Variants in RAPGEF2 observed in about 807,000 individuals in gnomAD.
The protein encoded by RAPGEF2 is PDZ domain containing guanine nucleotide exchange factor (GEF) 1.
RAPGEF2 carries 54 observed loss-of-function variants against 186.7 expected under a neutral mutation model. That is an observed-to-expected ratio of 0.29 (90% CI 0.23 to 0.36). The LOEUF (loss-of-function observed/expected upper bound fraction) is 0.36, where lower values mean the gene tolerates loss of function less well. RAPGEF2 is among the 10% of genes least tolerant of loss of function. The pLI is 1.00. For missense variants in RAPGEF2, 1,532 were observed against 2,045.0 expected (o/e 0.75, Z 4.84); for synonymous variants, 712 against 705.9 (o/e 1.01, Z -0.14).
chr4:159,340,779 CCACACACACACACACACACA>C (rs10562531), intron 19 of RAPGEF2, among the ~76,000 whole-genome samples: 2 of 106,098 alleles, frequency 1.9e-5, no homozygotes, highest in African/African-American at 7.9e-5. Context: ...ACCACCATCA[CCACACACACACACACACACA>C]CACACACACA....
intron 1 of RAPGEF2, among the ~76,000 whole-genome samples, chr4:159,161,332 T>C (rs539539904): frequency 3.6e-4 from 55 of 152,350 alleles, no homozygotes; most frequent in Non-Finnish European, 6.9e-4. Flanking sequence ...TAGTTAAAAT[T>C]GTATTTTCAA....
chr4:159,125,345 C>G (rs1377003160), intron 1 of RAPGEF2, among the ~76,000 whole-genome samples: 1 of 152,184 alleles, frequency 6.6e-6, no homozygotes, highest in Non-Finnish European at 1.5e-5. Context: ...TTATTGTTTA[C>G]ATTTCCTTAT....
At chr4:159,357,222 G>A (rs75448740) in intron 29 of RAPGEF2, among the ~76,000 whole-genome samples, 2,284 of 152,272 alleles carry the variant, frequency 0.015, 29 homozygotes, top group Non-Finnish European at 0.024. Flanking sequence ...TGACCCAGGC[G>A]TGGTGGCGTG....
Position 159,353,856 on chromosome 4 carries a change from G to C in RAPGEF2, c.4461G>C (p.Trp1487Cys), listed in dbSNP as rs1355098711. ...SLEQAQSRAS[W>C]ASSTGYWGED... The stretch of plus-strand genomic sequence containing the variant: ...AACAAGCCCAGTCCCGAGCAAGCTG[G>C]GCGTCTTCCACAGGTTACTGGGGAG... Residue 1487 changes from tryptophan (W) to cysteine (C), a missense_variant, in exon 28 of 30, where the codon TGG (tryptophan) becomes TGC (cysteine). Physicochemically the swap from Trp to Cys is radical, Grantham distance 215 (BLOSUM62 -2). This residue lies in a region of RAPGEF2 where 594 missense variants were observed against 608.5 expected (regional missense o/e 0.98). Transcript: ENST00000691494. The surrounding 1 kb of genome is among the most constrained non-coding windows in gnomAD (Gnocchi z 4.3). The C allele has an allele frequency of 1.2e-6, 2 of 1,614,062 alleles. No homozygotes were observed. Among genetic ancestry groups the C allele is most frequent in the African/African-American group, 2.7e-5 (2 of 74,926 alleles).
intron 4 of RAPGEF2, among the ~76,000 whole-genome samples, chr4:159,225,688 G>T (rs765247094): frequency 6.6e-6 from 1 of 152,116 alleles, no homozygotes; most frequent in Non-Finnish European, 1.5e-5. Context: ...TAGTAGATAC[G>T]TGGCAGTATT....
intron 4 of RAPGEF2, among the ~76,000 whole-genome samples, chr4:159,211,388 A>G (rs1259974534): frequency 6.6e-6 from 1 of 152,156 alleles, no homozygotes. Context: ...AATAATTTTT[A>G]CTAAAGGTTT....
intron 7 of RAPGEF2, among the ~76,000 whole-genome samples, chr4:159,271,074 A>T (rs1050504750): frequency 2.6e-5 from 4 of 152,190 alleles, no homozygotes; most frequent in African/African-American, 9.7e-5. Flanking sequence ...TGGTAGATGA[A>T]AAAAGTTTTA....
chr4:159,159,441 C>T (rs1299107900), intron 1 of RAPGEF2, among the ~76,000 whole-genome samples: 1 of 137,176 alleles, frequency 7.3e-6, no homozygotes, highest in African/African-American at 2.8e-5. Context: ...CAAGAAAATT[C>T]TTTTATTTTG....
chr4:159,344,169 T>G, intron 23 of RAPGEF2, 110 bp downstream of exon 23: 1 of 1,181,858 alleles, frequency 8.5e-7, no homozygotes, highest in Non-Finnish European at 1.3e-6. Context: ...TTTTTTTCCT[T>G]AACCCTCGTG....
intron 9 of RAPGEF2, among the ~76,000 whole-genome samples, chr4:159,319,294 T>G (rs1304432521): frequency 2.0e-5 from 3 of 152,192 alleles, no homozygotes; most frequent in Non-Finnish European, 2.9e-5. Flanking sequence ...AGTGGCAGCA[T>G]TAGTTTCATA....
Position 159,353,391 on chromosome 4 carries a change from T to A in RAPGEF2, c.4092-96T>A. ...TCCTGTTTCTGGGATGAAAGCAAGC[T>A]ACCTTTCTAGGAAAAAGGGTATTTT... On this transcript the variant is annotated intron_variant, in intron 27 of 29. Coordinates refer to ENST00000691494, the MANE Select transcript of RAPGEF2 (RefSeq NM_001394067.2). The surrounding 1 kb of genome is among the most constrained non-coding windows in gnomAD (Gnocchi z 4.3). 1 of 1,011,812 alleles carries A rather than the reference T, an allele frequency of 9.9e-7. No individual in the cohort carries two copies. The highest frequency in any genetic ancestry group is 3.5e-5 in the Admixed American group (1 of 28,494). 62.7% of individuals were successfully genotyped at this position (1,011,812 alleles called of 1,614,324 possible). A position where few individuals can be genotyped will look rare whatever the true frequency, so the allele number is the denominator to read the frequency against.
chr4:159,208,013 T>C (rs1750148537), intron 3 of RAPGEF2, among the ~76,000 whole-genome samples: 1 of 152,246 alleles, frequency 6.6e-6, no homozygotes, highest in Non-Finnish European at 1.5e-5. Context: ...GCATTTTCAC[T>C]TTAGAAATCT....
rs539750925 is a variant in RAPGEF2, at chr4:159,354,127, T to C, written c.4651+81T>C. Reference sequence around the variant, plus strand: ...TTATTACAATAGTAAAATTATGTGTTTGTTGGTTCTTTTCCTCATTTTCTC... The same window carrying C: ...TTATTACAATAGTAAAATTATGTGTCTGTTGGTTCTTTTCCTCATTTTCTC... On this transcript the variant is annotated intron_variant, in intron 28 of 29. Transcript: ENST00000691494. 47 of 1,360,610 alleles carry C rather than the reference T, an allele frequency of 3.5e-5. 2 individuals are homozygous for C. In the South Asian group the frequency reaches 5.5e-4, roughly 16 times the overall value. The allele number at this position is 1,360,610 out of a possible 1,614,324, so 84.3% of individuals were successfully genotyped here. A position where few individuals can be genotyped will look rare whatever the true frequency, so the allele number is the denominator to read the frequency against.
chr4:159,273,794 T>A (rs549777325), intron 7 of RAPGEF2, among the ~76,000 whole-genome samples: 1 of 152,170 alleles, frequency 6.6e-6, no homozygotes, highest in Admixed American at 6.5e-5. Context: ...AACCTGACAT[T>A]TCTTTCTCTT....
intron 7 of RAPGEF2, among the ~76,000 whole-genome samples, chr4:159,278,905 G>A (rs1226878246): frequency 6.6e-6 from 1 of 152,166 alleles, no homozygotes; most frequent in Non-Finnish European, 1.5e-5. Context: ...CTATCCAGGA[G>A]GTAAGGAAAA....
chr4:159,332,392 A>T, intron 16 of RAPGEF2, 59 bp from the exon 17 acceptor site: 2 of 1,532,210 alleles, frequency 1.3e-6, no homozygotes, highest in Non-Finnish European at 1.8e-6. Context: ...ATTGCCTTAG[A>T]ATTGTTCAGA....
At chr4:159,209,556 C>T (rs1750315154) in intron 3 of RAPGEF2, among the ~76,000 whole-genome samples, 1 of 152,188 alleles carries the variant, frequency 6.6e-6, no homozygotes, top group African/African-American at 2.4e-5. Context: ...TCCGTGAGGG[C>T]AGGGATCTTT....
chr4:159,354,829 C>G (rs1731722141), intron 28 of RAPGEF2, among the ~76,000 whole-genome samples: 1 of 152,214 alleles, frequency 6.6e-6, no homozygotes, highest in Admixed American at 6.5e-5. Flanking sequence ...AGAAGAGGCT[C>G]TCATGCGCCC....
intron 1 of RAPGEF2, among the ~76,000 whole-genome samples, chr4:159,145,408 C>T (rs777665592): frequency 6.6e-6 from 1 of 152,028 alleles, no homozygotes; most frequent in Non-Finnish European, 1.5e-5. Flanking sequence ...CAAAACATTG[C>T]CATTTGCCAA....
Sources: gnomAD v4.1 joint callset for allele counts (sites outside exome capture counted in the v4.1 genomes callset) on GRCh38, gnomAD v4.1.1 for gene constraint, gnomAD v4.1.1 regional missense constraint, Gnocchi (gnomAD v3.1) non-coding constraint, MANE v1.5 for transcripts, NCBI Gene and HGNC (gene_info 2026-07-23, HGNC 2026-07-21) for gene names.